CAST: variants seen among roughly 807,000 people sequenced by gnomAD.
The protein encoded by CAST is calpastatin.
In CAST, 76 loss-of-function variants were observed where a neutral mutation model predicts 119.6. The ratio of observed to expected loss-of-function variants is 0.64; its 90% CI spans 0.53 to 0.77. CAST has a LOEUF of 0.77. CAST is among the 30% of genes least tolerant of loss of function. CAST has a pLI of 0.00. For synonymous variants in CAST, 319 were observed against 331.6 expected (o/e 0.96, Z 0.41); for missense variants, 953 against 946.5 (o/e 1.01, Z -0.09).
At chr5:96,622,751 G>T (rs547429753) in intron 1 of CAST, among the ~76,000 whole-genome samples, 22 of 150,514 alleles carry the variant, frequency 1.5e-4, no homozygotes, top group Non-Finnish European at 2.8e-4. Context: ...ATATAAGAGA[G>T]TTTAATAATT....
the CAST span, among the ~76,000 whole-genome samples, chr5:96,461,005 A>T: frequency 6.6e-6 from 1 of 152,074 alleles, no homozygotes; most frequent in Non-Finnish European, 1.5e-5. Flanking sequence ...CCCCATACCC[A>T]TTAGCAAGCA....
At chr5:96,690,335 G>A (rs1752586724) in intron 2 of CAST, among the ~76,000 whole-genome samples, 1 of 152,088 alleles carries the variant, frequency 6.6e-6, no homozygotes, top group East Asian at 1.9e-4. Flanking sequence ...AGGTTCAGGC[G>A]ATTCTCCTAC....
chr5:96,217,171 T>C, the CAST span, among the ~76,000 whole-genome samples: 4 of 150,040 alleles, frequency 2.7e-5, no homozygotes, highest in African/African-American at 9.8e-5. Context: ...CTGAAATAGC[T>C]GGGACTACAG....
chr5:96,762,600 A>C (rs1768395189), intron 25 of CAST: 1 of 430,384 alleles, frequency 2.3e-6, no homozygotes, highest in Admixed American at 3.9e-5. Context: ...ATAGTCAAGG[A>C]CCTTAATATT....
intron 1 of CAST, among the ~76,000 whole-genome samples, chr5:96,530,117 T>G (rs1745664151): frequency 6.6e-6 from 1 of 152,026 alleles, no homozygotes; most frequent in Non-Finnish European, 1.5e-5. Flanking sequence ...AATTTCAAAT[T>G]TGTAAAGTTC....
chr5:96,024,902 T>C, the CAST span, among the ~76,000 whole-genome samples: 4 of 152,282 alleles, frequency 2.6e-5, no homozygotes, highest in Admixed American at 6.5e-5. Flanking sequence ...TCTCATTGAT[T>C]CCAAGTAGAG....
the CAST span, among the ~76,000 whole-genome samples, chr5:96,293,693 T>C: frequency 1.3e-5 from 2 of 152,166 alleles, no homozygotes; most frequent in Non-Finnish European, 2.9e-5. Flanking sequence ...AGAATATGTG[T>C]ATTGTTTATA....
chr5:96,277,966 C>T, the CAST span, among the ~76,000 whole-genome samples: 1 of 152,024 alleles, frequency 6.6e-6, no homozygotes, highest in African/African-American at 2.4e-5. Flanking sequence ...TCTCTGAAGG[C>T]TGGTGACCTT....
At chr5:96,233,872 ATAATCT>A in the CAST span, among the ~76,000 whole-genome samples, 3 of 152,204 alleles carry the variant, frequency 2.0e-5, no homozygotes, top group East Asian at 3.8e-4. Flanking sequence ...ACAAGAAGAA[ATAATCT>A]TAAAATTTTA....
chr5:96,193,532 A>T, the CAST span, among the ~76,000 whole-genome samples: 11 of 152,198 alleles, frequency 7.2e-5, no homozygotes, highest in African/African-American at 2.7e-4. Flanking sequence ...TACAGAAGAT[A>T]CTCTCTGGAA....
At chr5:96,639,468 T>C (rs1403879479) in intron 1 of CAST, among the ~76,000 whole-genome samples, 1 of 152,224 alleles carries the variant, frequency 6.6e-6, no homozygotes, top group Non-Finnish European at 1.5e-5. Context: ...CCACTGCTCC[T>C]GCACTTGTTC....
At chr5:96,758,190 A>G (rs1167559218) in intron 24 of CAST, among the ~76,000 whole-genome samples, 1 of 152,168 alleles carries the variant, frequency 6.6e-6, no homozygotes, top group Admixed American at 6.5e-5. Context: ...CCCCTATGAA[A>G]AGAGAATTTA....
At chr5:96,757,318 G>A in intron 22 of CAST, 126 bp from the exon 23 acceptor site, 2 of 872,956 alleles carry the variant, frequency 2.3e-6, no homozygotes, top group Non-Finnish European at 3.8e-6. Context: ...TTCGTGACAT[G>A]ATGGATCTAA....
intron 3 of CAST, among the ~76,000 whole-genome samples, chr5:96,710,409 G>A (rs927629218): frequency 4.6e-5 from 7 of 152,072 alleles, no homozygotes; most frequent in African/African-American, 7.2e-5. Context: ...TTAGAATTAC[G>A]TGAGAGGCTT....
intron 3 of CAST, among the ~76,000 whole-genome samples, chr5:96,699,521 G>A (rs764559531): frequency 6.6e-6 from 1 of 152,202 alleles, no homozygotes; most frequent in Non-Finnish European, 1.5e-5. Flanking sequence ...CTCAGCTCCT[G>A]TCACATGTAG....
At chr5:96,436,887 G>A in the CAST span, among the ~76,000 whole-genome samples, 1 of 152,138 alleles carries the variant, frequency 6.6e-6, no homozygotes, top group Non-Finnish European at 1.5e-5. Flanking sequence ...AATTTTGGTG[G>A]GTGTGCTATG....
chr5:96,753,108 C>T (rs1765506960), intron 20 of CAST, among the ~76,000 whole-genome samples: 1 of 151,420 alleles, frequency 6.6e-6, no homozygotes, highest in Admixed American at 6.6e-5. Flanking sequence ...ATCCTCCCAC[C>T]TCAGCCTCTT....
chr5:96,116,769 A>G, the CAST span, among the ~76,000 whole-genome samples: 1 of 152,150 alleles, frequency 6.6e-6, no homozygotes, highest in African/African-American at 2.4e-5. Flanking sequence ...TACTTTTTTA[A>G]AAAATTGGGT....
the CAST span, among the ~76,000 whole-genome samples, chr5:96,169,141 G>T: frequency 6.6e-6 from 1 of 152,140 alleles, no homozygotes; most frequent in East Asian, 1.9e-4. Context: ...GAGATTAGCC[G>T]GACACGAGCA....
Sources: gnomAD v4.1 joint callset for allele counts (sites outside exome capture counted in the v4.1 genomes callset) on GRCh38, gnomAD v4.1.1 for gene constraint, MANE v1.5 for transcripts, NCBI Gene and HGNC (gene_info 2026-07-23, HGNC 2026-07-21) for gene names.